The following PDZRN4 variants were observed in gnomAD, a reference collection of about 807,000 sequenced individuals.
PDZRN4 encodes PDZ domain-containing RING finger protein 4.
In PDZRN4, 70 loss-of-function variants were observed where a neutral mutation model predicts 99.0. The ratio of observed to expected loss-of-function variants is 0.71; its 90% CI spans 0.58 to 0.86. PDZRN4 has a LOEUF of 0.86. PDZRN4 is among the 40% of genes least tolerant of loss of function. The probability of loss-of-function intolerance (pLI) is 0.00; values close to 1 mark genes in which losing one functional copy is unlikely to be tolerated. For synonymous variants in PDZRN4, 551 were observed against 501.6 expected (o/e 1.10, Z -1.32); for missense variants, 1,474 against 1,331.2 (o/e 1.11, Z -1.67).
At chr12:41,209,712 T>C (rs1052054663) in intron 3 of PDZRN4, among the ~76,000 whole-genome samples, 2 of 150,138 alleles carry the variant, frequency 1.3e-5, no homozygotes, top group African/African-American at 4.9e-5. Flanking sequence ...TTCCATGGTG[T>C]ATATGTGCCA....
At chr12:41,278,836 AG>A (rs1444352045) in intron 3 of PDZRN4, among the ~76,000 whole-genome samples, 4 of 152,164 alleles carry the variant, frequency 2.6e-5, no homozygotes, top group African/African-American at 9.7e-5. Flanking sequence ...GATTAAATGG[AG>A]GGTCTCAGTA....
Position 41,398,189 on chromosome 12 carries a change from G to A in PDZRN4, c.844-108267G>A, listed in dbSNP as rs113496728. On this transcript the variant is annotated intron_variant, in intron 3 of 9. Transcript: ENST00000402685. ...AAATGCACCCCCATTTGCAGACCCC[G>A]TGTCCTCTTATTTCATTTCCCCCAG... is the stretch of plus-strand genomic sequence containing the variant. 3.8e-3 allele frequency among the ~76,000 whole-genome samples: 578 copies of A among 152,228 alleles called. 5 individuals carry two copies. The highest frequency in any genetic ancestry group is 0.012 in the African/African-American group (508 of 41,554).
chr12:41,205,008 C>T (rs1009928472), intron 3 of PDZRN4, among the ~76,000 whole-genome samples: 3 of 151,752 alleles, frequency 2.0e-5, no homozygotes, highest in African/African-American at 7.3e-5. Flanking sequence ...TGTTAAAAGA[C>T]ATTTAATTAT....
At chr12:41,479,519 CG>C (rs1411518747) in intron 3 of PDZRN4, among the ~76,000 whole-genome samples, 1 of 152,134 alleles carries the variant, frequency 6.6e-6, no homozygotes, top group Non-Finnish European at 1.5e-5. Flanking sequence ...AAGAAGAAAT[CG>C]TTTAAATTGA....
intron 3 of PDZRN4, among the ~76,000 whole-genome samples, chr12:41,326,328 C>A (rs959742552): frequency 1.3e-5 from 2 of 152,122 alleles, no homozygotes. Flanking sequence ...TACATGACAA[C>A]ATACACACAC....
In PDZRN4 at chr12:41,428,787, G is replaced by A. The variant is rs573973289; in HGVS notation, c.844-77669G>A. 2.2e-4 allele frequency among the ~76,000 whole-genome samples: 33 copies of A among 152,240 alleles called. No individual in the cohort carries two copies. In the East Asian group the frequency reaches 3.7e-3, roughly 17 times the overall value. On this transcript the variant is annotated intron_variant, in intron 3 of 9. Coordinates refer to ENST00000402685, the MANE Select transcript of PDZRN4 (RefSeq NM_001164595.2). The stretch of plus-strand genomic sequence containing the variant: ...CCTCACACCATTAGAAACTCCAGAC[G>A]CTCATGAGCGAATGCAAGACCTGGC...
rs1476962128 is a variant in PDZRN4 at position 41,573,147 on chromosome 12, T to C, written c.2368T>C (p.Ser790Pro). Residue 790 changes from serine to proline, a missense_variant, in exon 10 of 10, where the codon TCG becomes CCG. By Grantham distance (74) the Ser-to-Pro change is moderately conservative (BLOSUM62 -1). Transcript: ENST00000402685. The stretch of plus-strand genomic sequence containing the variant: ...CTCTTCCGGACAGAGCAGTAAAGAG[T>C]CGACCTCCACCAAAGCCAAAACCAC... ...QSSSGQSSKE[S>P]TSTKAKTTEQ... 1.2e-6 allele frequency: 2 copies of C among 1,613,366 alleles called. No homozygotes were observed. Among genetic ancestry groups the C allele is most frequent in the Admixed American group, 3.3e-5 (2 of 59,954 alleles).
At chr12:41,330,294 T>C (rs1951734279) in intron 3 of PDZRN4, among the ~76,000 whole-genome samples, 1 of 152,068 alleles carries the variant, frequency 6.6e-6, no homozygotes, top group Non-Finnish European at 1.5e-5. Context: ...GAAAGAGTTA[T>C]CTTGACATTC....
At chr12:41,257,466 T>A (rs1211262874) in intron 3 of PDZRN4, among the ~76,000 whole-genome samples, 1 of 152,170 alleles carries the variant, frequency 6.6e-6, no homozygotes, top group Non-Finnish European at 1.5e-5. Context: ...AACACAGATT[T>A]AGAACATAGC....
chr12:41,410,922 T>C (rs1429113928), intron 3 of PDZRN4, among the ~76,000 whole-genome samples: 1 of 152,088 alleles, frequency 6.6e-6, no homozygotes, highest in African/African-American at 2.4e-5. Context: ...TCACTCAGGC[T>C]GGATGGAGTA....
intron 5 of PDZRN4, among the ~76,000 whole-genome samples, chr12:41,547,512 G>A (rs1236963873): frequency 6.6e-6 from 1 of 152,056 alleles, no homozygotes; most frequent in Non-Finnish European, 1.5e-5. Context: ...TGTAATCCCA[G>A]CTACTAAGGA....
At chr12:41,243,639 TA>T (rs1951114548) in intron 3 of PDZRN4, among the ~76,000 whole-genome samples, 2 of 152,076 alleles carry the variant, frequency 1.3e-5, no homozygotes, top group South Asian at 4.1e-4. Context: ...TATTAACAAA[TA>T]AAATAAATAA....
intron 3 of PDZRN4, among the ~76,000 whole-genome samples, chr12:41,269,332 A>G (rs1951298869): frequency 1.3e-5 from 2 of 152,308 alleles, no homozygotes; most frequent in Non-Finnish European, 2.9e-5. Context: ...AAAGCTATAT[A>G]GAAATTTGAG....
At chr12:41,480,465 A>T (rs937729339) in intron 3 of PDZRN4, among the ~76,000 whole-genome samples, 1 of 152,206 alleles carries the variant, frequency 6.6e-6, no homozygotes, top group African/African-American at 2.4e-5. Flanking sequence ...TCTGGGTTGG[A>T]CATCAAAACA....
chr12:41,426,765 T>G (rs1952540681), intron 3 of PDZRN4, among the ~76,000 whole-genome samples: 1 of 152,184 alleles, frequency 6.6e-6, no homozygotes, highest in Non-Finnish European at 1.5e-5. Context: ...ATATCAGAAA[T>G]TATAATGATG....
At chr12:41,309,750 A>T (rs1266834652) in intron 3 of PDZRN4, among the ~76,000 whole-genome samples, 1 of 152,210 alleles carries the variant, frequency 6.6e-6, no homozygotes, top group Non-Finnish European at 1.5e-5. Flanking sequence ...TAGCAGCATC[A>T]GGTAATACTG....
At chr12:41,557,564 C>T (rs889050846) in intron 7 of PDZRN4, among the ~76,000 whole-genome samples, 2 of 152,154 alleles carry the variant, frequency 1.3e-5, no homozygotes, top group Non-Finnish European at 2.9e-5. Context: ...GCCTGCGTGG[C>T]CTGGGCACAT....
intron 3 of PDZRN4, among the ~76,000 whole-genome samples, chr12:41,300,944 G>T (rs57760601): frequency 1.2e-3 from 189 of 152,162 alleles, no homozygotes; most frequent in African/African-American, 3.3e-3. Flanking sequence ...CTGTTTATCT[G>T]CAGGAAAGCA....
intron 1 of PDZRN4, among the ~76,000 whole-genome samples, chr12:41,189,326 T>C (rs551790136): frequency 6.6e-6 from 1 of 152,094 alleles, no homozygotes; most frequent in East Asian, 1.9e-4. Flanking sequence ...TTGGAAAGAG[T>C]TAAACAGATT....
Sources: allele counts gnomAD v4.1 joint callset (sites outside exome capture counted in the v4.1 genomes callset), GRCh38; gene constraint gnomAD v4.1.1; transcripts MANE v1.5; gene names NCBI Gene and HGNC (gene_info 2026-07-23, HGNC 2026-07-21).